DAB1: variants seen among roughly 807,000 people sequenced by gnomAD.
The protein encoded by DAB1 is disabled homolog 1.
A neutral mutation model predicts 64.6 loss-of-function variants in DAB1; 15 were observed. That is an observed-to-expected ratio of 0.23 (90% CI 0.16 to 0.36). The LOEUF (loss-of-function observed/expected upper bound fraction) is 0.36. DAB1 is among the 10% of genes least tolerant of loss of function. DAB1 has a pLI of 1.00. For missense variants in DAB1, 596 were observed against 706.7 expected, an observed-to-expected ratio of 0.84 and a Z score of 1.78; for synonymous variants, 235 against 251.9, an observed-to-expected ratio of 0.93 and a Z score of 0.64.
chr1:57,666,147 T>A (rs1646445073), intron 6 of DAB1, among the ~76,000 whole-genome samples: 1 of 152,086 alleles, frequency 6.6e-6, no homozygotes, highest in Non-Finnish European at 1.5e-5. Flanking sequence ...TAAAGTCTGG[T>A]AAGTATCTTA....
chr1:57,882,140 G>C (rs1644153719), intron 1 of DAB1, among the ~76,000 whole-genome samples: 1 of 152,188 alleles, frequency 6.6e-6, no homozygotes, highest in African/African-American at 2.4e-5. Context: ...ATGCTGCACA[G>C]TATGATAGAG....
chr1:58,228,628 G>C, intron 4 of DAB1: 1 of 810,594 alleles, frequency 1.2e-6, no homozygotes, highest in Non-Finnish European at 1.9e-6. Flanking sequence ...CCCCTTGTGC[G>C]AGGTTCACAT....
At chr1:57,234,092 CAG>C (rs1458009822) in intron 2 of DAB1, among the ~76,000 whole-genome samples, 1 of 152,170 alleles carries the variant, frequency 6.6e-6, no homozygotes, top group African/African-American at 2.4e-5. Context: ...AGTGAACATG[CAG>C]AGAGTATACA....
intron 4 of DAB1, among the ~76,000 whole-genome samples, chr1:57,090,064 G>A (rs1653500021): frequency 6.6e-6 from 1 of 152,192 alleles, no homozygotes; most frequent in Non-Finnish European, 1.5e-5. Context: ...GCAAAACTTG[G>A]CTTGAAACTG....
chr1:57,744,638 T>G (rs1648175148), intron 6 of DAB1, among the ~76,000 whole-genome samples: 1 of 152,170 alleles, frequency 6.6e-6, no homozygotes, highest in Non-Finnish European at 1.5e-5. Context: ...CGATGTCTTT[T>G]GTTCCTCGGC....
chr1:58,269,148 A>G (rs36195995), intron 4 of DAB1, among the ~76,000 whole-genome samples: 41,928 of 139,204 alleles, frequency 0.3, 7,756 homozygotes, highest in Non-Finnish European at 0.43. Context: ...ATATCTCCCA[A>G]TGCTATCCCT....
At position 57,643,946 on chromosome 1, in the gene DAB1, C is replaced by T. The variant is rs143845245; in HGVS notation, n.625+5646G>A. Among the ~76,000 whole-genome samples, 849 of 152,200 alleles carry T rather than the reference C, an allele frequency of 5.6e-3. 3 individuals are homozygous for T. Among genetic ancestry groups the T allele is most frequent in the Non-Finnish European group, 0.01 (696 of 67,998 alleles). ...TTTCACAACTGAGAAAACTGAGGCC[C>T]GCAGAAGCTAAATAAACAGATGCAG... On this transcript the variant is annotated intron_variant and non_coding_transcript_variant, in intron 7 of 20. Coordinates refer to the DAB1 transcript ENST00000485760.
chr1:57,163,901 T>C (rs962288789), intron 2 of DAB1, among the ~76,000 whole-genome samples: 9 of 152,106 alleles, frequency 5.9e-5, no homozygotes, highest in East Asian at 1.9e-4. Flanking sequence ...TAATATTCCA[T>C]TGAAGGCCTG....
chr1:57,232,580 C>G (rs1667768127), intron 2 of DAB1, among the ~76,000 whole-genome samples: 1 of 152,140 alleles, frequency 6.6e-6, no homozygotes. Flanking sequence ...TTTAAATGCA[C>G]TCTTCCCAGT....
chr1:57,014,939 T>C lies in DAB1; in HGVS notation c.1388A>G (p.Asp463Gly). The C allele has an allele frequency of 1.2e-6, 2 of 1,609,662 alleles. No homozygotes were observed. The highest frequency in any genetic ancestry group is 1.7e-6 in the Non-Finnish European group (2 of 1,177,702). The change falls in exon 12 of 15, where the codon GAC becomes GGC. Residue 463 changes from aspartate (D) to glycine (G), a missense_variant. Asp to Gly is a moderately conservative substitution (Grantham distance 94). Coordinates refer to ENST00000371236, the MANE Select transcript of DAB1 (RefSeq NM_001365792.1). Reference sequence around the variant, plus strand: ...AGGGGTCAAATTCAACTGGGAGATGTCAAAGTCATCACAGTCGTCTGTATC... The same window carrying C: ...AGGGGTCAAATTCAACTGGGAGATGCCAAAGTCATCACAGTCGTCTGTATC... ...AQDTDDCDDF[D>G]ISQLNLTPVT...
chr1:57,000,841 A>G (rs1206883623), intron 14 of DAB1, among the ~76,000 whole-genome samples: 2 of 152,212 alleles, frequency 1.3e-5, no homozygotes, highest in Non-Finnish European at 1.5e-5. Context: ...AATTTATCCA[A>G]CTGAAAATGA....
intron 3 of DAB1, among the ~76,000 whole-genome samples, chr1:58,369,201 T>A (rs1218581948): frequency 6.6e-6 from 1 of 152,214 alleles, no homozygotes; most frequent in Non-Finnish European, 1.5e-5. Context: ...ATTGGCTTTT[T>A]TCCCCCTCCA....
intron 5 of DAB1, among the ~76,000 whole-genome samples, chr1:58,000,841 G>C (rs1315019398): frequency 6.6e-6 from 1 of 151,762 alleles, no homozygotes; most frequent in African/African-American, 2.4e-5. Context: ...AAAGTGCTGG[G>C]ATTACAGGTA....
At chr1:58,543,310 G>T (rs1460809563) in intron 1 of DAB1, among the ~76,000 whole-genome samples, 1 of 152,200 alleles carries the variant, frequency 6.6e-6, no homozygotes. Context: ...GGAACTAGCT[G>T]AGGGTTCCTC....
At chr1:58,456,209 A>T (rs1645191529) in intron 3 of DAB1, among the ~76,000 whole-genome samples, 2 of 152,258 alleles carry the variant, frequency 1.3e-5, no homozygotes, top group African/African-American at 4.8e-5. Context: ...GATTTCAAAG[A>T]CTGGGATCTT....
chr1:57,846,368 G>A (rs1167060350), intron 1 of DAB1, among the ~76,000 whole-genome samples: 2 of 150,752 alleles, frequency 1.3e-5, no homozygotes, highest in Non-Finnish European at 2.9e-5. Context: ...TGAGGCAGGA[G>A]AATGGTGTGA....
At chr1:57,776,922 T>C (rs1347162039) in intron 6 of DAB1, among the ~76,000 whole-genome samples, 1 of 151,848 alleles carries the variant, frequency 6.6e-6, no homozygotes, top group East Asian at 1.9e-4. Flanking sequence ...TCTGTACAGA[T>C]GCAAGTCCTC....
intron 14 of DAB1, among the ~76,000 whole-genome samples, chr1:57,002,849 G>A (rs576792035): frequency 2.0e-5 from 3 of 152,270 alleles, no homozygotes; most frequent in East Asian, 3.9e-4. Context: ...GTCTTTGGGT[G>A]CCAGTTTCCT....
At chr1:57,303,403 T>TC (rs1473861581) in intron 1 of DAB1, among the ~76,000 whole-genome samples, 2 of 152,126 alleles carry the variant, frequency 1.3e-5, no homozygotes, top group African/African-American at 2.4e-5. Context: ...GACAGATCTC[T>TC]CCCCAAGGAC....
Sources: allele counts gnomAD v4.1 joint callset (sites outside exome capture counted in the v4.1 genomes callset), GRCh38; gene constraint gnomAD v4.1.1; transcripts MANE v1.5; gene names NCBI Gene and HGNC (gene_info 2026-07-23, HGNC 2026-07-21).